The following ROBO1 variants were observed in gnomAD, a reference collection of about 807,000 sequenced individuals.
ROBO1 encodes roundabout homolog 1.
Under a neutral mutation model 195.9 loss-of-function variants are expected in ROBO1, and 149 were observed. That is an observed-to-expected ratio of 0.76 (90% confidence interval 0.67 to 0.87). The LOEUF is 0.87. Ranked by LOEUF, ROBO1 falls within the 40% of genes least tolerant of loss-of-function variation. The probability of loss-of-function intolerance (pLI) is 0.00; values close to 1 mark genes in which losing one functional copy is unlikely to be tolerated. For missense variants in ROBO1, 1,933 were observed against 2,068.3 expected (o/e 0.93, Z 1.27); for synonymous variants, 816 against 733.2 (o/e 1.11, Z -1.82).
intron 4 of ROBO1, among the ~76,000 whole-genome samples, chr3:78,752,837 T>A (rs12636958): frequency 0.25 from 38,036 of 151,996 alleles, 5,061 homozygotes; most frequent in East Asian, 0.51. Context: ...ATTTTTAAAA[T>A]TTGACACTGA....
intron 2 of ROBO1, among the ~76,000 whole-genome samples, chr3:79,309,076 C>T (rs1433388818): frequency 1.3e-5 from 2 of 152,008 alleles, no homozygotes; most frequent in African/African-American, 2.4e-5. Context: ...AAAAAAAAGC[C>T]ACTGTTATTA....
chr3:79,106,258 C>A (rs1214369137), intron 3 of ROBO1, among the ~76,000 whole-genome samples: 1 of 151,592 alleles, frequency 6.6e-6, no homozygotes, highest in Non-Finnish European at 1.5e-5. Context: ...CAGAGTTTTA[C>A]CCAATGAGTT....
At chr3:79,465,498 T>C (rs1937910048) in intron 2 of ROBO1, among the ~76,000 whole-genome samples, 1 of 152,234 alleles carries the variant, frequency 6.6e-6, no homozygotes, top group African/African-American at 2.4e-5. Context: ...AATAATATAA[T>C]GGTTTTATAT....
chr3:79,387,779 C>T (rs1216034823), intron 2 of ROBO1, among the ~76,000 whole-genome samples: 1 of 152,012 alleles, frequency 6.6e-6, no homozygotes, highest in East Asian at 1.9e-4. Flanking sequence ...AGTAAAAGAA[C>T]CAAATGTTTG....
intron 10 of ROBO1, among the ~76,000 whole-genome samples, chr3:78,678,896 C>T (rs1264069419): frequency 1.3e-5 from 2 of 152,010 alleles, no homozygotes; most frequent in Non-Finnish European, 2.9e-5. Context: ...AGACCAATAT[C>T]CTTGATGAAC....
rs768877943 is a variant in ROBO1 at position 78,938,899 on chromosome 3, T to A, written c.201A>T (p.Pro67=). The A allele has an allele frequency of 1.9e-6, 3 of 1,609,740 alleles. No individual in the cohort carries two copies. The highest frequency in any genetic ancestry group is 2.5e-6 in the Non-Finnish European group (3 of 1,177,268). Residue 67 remains proline (P), a synonymous_variant, in exon 4 of 31, where the codon CCA becomes CCT. Transcript: ENST00000464233. The part of the protein sequence containing the change: ...TGSRLRQEDF[P]PRIVEHPSDL... Reference sequence around the variant, plus strand: ...CTGAAGGGTGTTCAACAATGCGAGGTGGAAAATCTTCCTGACGAAGACGGG... The same window carrying A: ...CTGAAGGGTGTTCAACAATGCGAGGAGGAAAATCTTCCTGACGAAGACGGG...
rs1352161158 is a variant in ROBO1 at position 78,787,972 on chromosome 3, C to G, written c.500-41072G>C. Among the ~76,000 whole-genome samples the G allele has an allele frequency of 4.8e-5, 6 of 124,812 alleles. No individual in the cohort carries two copies. The Admixed American group carries it at 6.3e-4, about 13-fold the overall frequency. 81.9% of individuals were successfully genotyped at this position (124,812 alleles called of 152,430 possible). A position where few individuals can be genotyped will look rare whatever the true frequency, so the allele number is the denominator to read the frequency against. On this transcript the variant is annotated intron_variant, in intron 4 of 30. Transcript: ENST00000464233. Reference sequence around the variant, plus strand: ...TTTTTTTTTTTGATACGGAGTCTCCCGCTGTCTCCCAGGCTGGAGTGCAGG... The same window carrying G: ...TTTTTTTTTTTGATACGGAGTCTCCGGCTGTCTCCCAGGCTGGAGTGCAGG...
intron 3 of ROBO1, among the ~76,000 whole-genome samples, chr3:79,075,405 C>G (rs531639129): frequency 3.3e-5 from 5 of 151,880 alleles, no homozygotes; most frequent in African/African-American, 9.7e-5. Context: ...ATTTCAGGGA[C>G]GGCTTGGAGA....
At chr3:78,732,394 G>T (rs1241221340) in intron 5 of ROBO1, among the ~76,000 whole-genome samples, 1 of 151,974 alleles carries the variant, frequency 6.6e-6, no homozygotes, top group African/African-American at 2.4e-5. Flanking sequence ...ATTAGTCCAT[G>T]TAACTGTCAG....
At chr3:79,113,017 G>T (rs116285744) in intron 3 of ROBO1, among the ~76,000 whole-genome samples, 1 of 152,072 alleles carries the variant, frequency 6.6e-6, no homozygotes, top group Admixed American at 6.6e-5. Context: ...CAAATGGAGA[G>T]CTCATGAGCC....
At position 79,550,195 on chromosome 3, in the gene ROBO1, G is replaced by GAAAGAAAGAAAGAAAGGAAAGAAAGAAAA; in HGVS notation, c.88+39628_88+39629insTTTTCTTTCTTTCCTTTCTTTCTTTCTTT. Among the ~76,000 whole-genome samples, 357 of 100,834 alleles carry GAAAGAAAGAAAGAAAGGAAAGAAAGAAAA rather than the reference G, an allele frequency of 3.5e-3. 15 individuals carry two copies. The highest frequency in any genetic ancestry group is 0.02 in the Middle Eastern group (4 of 200). 66.2% of individuals were successfully genotyped at this position (100,834 alleles called of 152,430 possible). ...AGAAAGAAAGAAAGAAAGAAAGAAA[G>GAAAGAAAGAAAGAAAGGAAAGAAAGAAAA]GAAAAGAAAAGAAAAGAAAAGAAAA... On this transcript the variant is annotated intron_variant, in intron 2 of 30. Coordinates refer to ENST00000464233, the MANE Select transcript of ROBO1 (RefSeq NM_002941.4).
intron 22 of ROBO1, 83 bp from the exon 23 acceptor site, chr3:78,636,191 C>T: frequency 9.8e-7 from 1 of 1,016,646 alleles, no homozygotes; most frequent in Non-Finnish European, 1.4e-6. Context: ...CTTTGCGAGT[C>T]ATCAGAAAAT....
intron 2 of ROBO1, among the ~76,000 whole-genome samples, chr3:79,549,753 A>C (rs1298325695): frequency 6.6e-6 from 1 of 152,148 alleles, no homozygotes; most frequent in African/African-American, 2.4e-5. Flanking sequence ...GTAGACACAA[A>C]GGGATGACTA....
intron 1 of ROBO1, among the ~76,000 whole-genome samples, chr3:79,711,086 CGAATAGGAT>C (rs1214879977): frequency 6.6e-6 from 1 of 152,026 alleles, no homozygotes; most frequent in Non-Finnish European, 1.5e-5. Flanking sequence ...AAAACCATAA[CGAATAGGAT>C]TGTTTTATTT....
chr3:78,787,726 T>C (rs1474754359), intron 4 of ROBO1, among the ~76,000 whole-genome samples: 1 of 152,026 alleles, frequency 6.6e-6, no homozygotes, highest in African/African-American at 2.4e-5. Context: ...GGGGATCACT[T>C]GAAGCCAGAA....
intron 1 of ROBO1, among the ~76,000 whole-genome samples, chr3:79,760,220 C>G (rs1306667664): frequency 1.1e-5 from 1 of 93,086 alleles, no homozygotes; most frequent in African/African-American, 4.1e-5. Flanking sequence ...CTGGGTGAGA[C>G]AGTGAGACCC....
At chr3:79,027,159 A>T (rs1006937777) in intron 3 of ROBO1, among the ~76,000 whole-genome samples, 1 of 152,112 alleles carries the variant, frequency 6.6e-6, no homozygotes, top group Non-Finnish European at 1.5e-5. Flanking sequence ...TCATCTAACT[A>T]TCCATTTCCT....
At chr3:79,153,058 A>G (rs2080799897) in intron 2 of ROBO1, among the ~76,000 whole-genome samples, 1 of 151,820 alleles carries the variant, frequency 6.6e-6, no homozygotes, top group Admixed American at 6.6e-5. Flanking sequence ...TCCAACTTAT[A>G]TTTAAAAAAT....
intron 2 of ROBO1, among the ~76,000 whole-genome samples, chr3:79,326,414 A>T (rs2034216926): frequency 6.6e-6 from 1 of 152,060 alleles, no homozygotes; most frequent in Non-Finnish European, 1.5e-5. Flanking sequence ...CAGCTTTAAA[A>T]TTTCTCTCTT....
Sources: gnomAD v4.1 joint callset for allele counts (sites outside exome capture counted in the v4.1 genomes callset) on GRCh38, gnomAD v4.1.1 for gene constraint, MANE v1.5 for transcripts, NCBI Gene and HGNC (gene_info 2026-07-23, HGNC 2026-07-21) for gene names.